KLHL28: variants seen among roughly 807,000 people sequenced by gnomAD.
KLHL28 encodes the protein kelch-like protein 28.
A neutral mutation model predicts 48.3 loss-of-function variants in KLHL28; 22 were observed. The ratio of observed to expected loss-of-function variants is 0.46; its 90% CI spans 0.33 to 0.65. The LOEUF (loss-of-function observed/expected upper bound fraction) is 0.65. Ranked by LOEUF, KLHL28 falls within the 30% of genes least tolerant of loss-of-function variation. KLHL28 has a pLI of 0.03. For missense variants in KLHL28, 527 were observed against 704.3 expected, an observed-to-expected ratio of 0.75 and a Z score of 2.85; for synonymous variants, 243 against 242.4, an observed-to-expected ratio of 1.00 and a Z score of -0.02.
intron 3 of KLHL28, among the ~76,000 whole-genome samples, chr14:44,932,094 C>T (rs1415317718): frequency 4.0e-5 from 6 of 151,152 alleles, no homozygotes; most frequent in Non-Finnish European, 8.8e-5. Context: ...AAGATCAGAG[C>T]TCACTGCAGC....
chr14:44,948,872 A>T (rs1884456731), intron 1 of KLHL28, among the ~76,000 whole-genome samples: 1 of 152,152 alleles, frequency 6.6e-6, no homozygotes, highest in South Asian at 2.1e-4. Flanking sequence ...GCATTTATTT[A>T]CTATATCCCT....
At chr14:44,946,057 T>G in intron 1 of KLHL28, 129 bp from the exon 2 acceptor site, 1 of 682,720 alleles carries the variant, frequency 1.5e-6, no homozygotes, top group Non-Finnish European at 2.4e-6. Flanking sequence ...AAATACTTCA[T>G]AGTAAATACT....
intron 4 of KLHL28, 142 bp downstream of exon 4, chr14:44,931,191 A>C (rs1883569866): frequency 1.8e-6 from 1 of 568,448 alleles, no homozygotes; most frequent in East Asian, 2.9e-5. Context: ...TTGTCTTTCA[A>C]GTTTACCACA....
chr14:44,938,606 G>A (rs757101350), intron 2 of KLHL28, among the ~76,000 whole-genome samples: 2 of 152,112 alleles, frequency 1.3e-5, no homozygotes, highest in Non-Finnish European at 2.9e-5. Context: ...TCCTGACCTC[G>A]CGATCTGCCC....
intron 1 of KLHL28, chr14:44,959,403 A>C (rs944219588): frequency 9.9e-5 from 15 of 152,132 alleles, no homozygotes; most frequent in Non-Finnish European, 1.5e-4. Context: ...TTGTTTGTTA[A>C]TATTAATAGC....
chr14:44,925,593 CT>C lies in KLHL28; in HGVS notation c.*3434del, dbSNP rs541149254. 1 of 152,092 alleles carries C rather than the reference CT, an allele frequency of 6.6e-6. No homozygotes were observed. Among genetic ancestry groups the C allele is most frequent in the Non-Finnish European group, 1.5e-5 (1 of 67,950 alleles). 9.4% of individuals were successfully genotyped at this position (152,092 alleles called of 1,614,324 possible). ...GGTCTCTCCCACTATATTTTACTCT[CT>C]TTGAGTGAAAAAGAGTATATCTCTC... On this transcript the variant is annotated 3_prime_UTR_variant, in exon 5 of 5. Coordinates refer to ENST00000396128, the MANE Select transcript of KLHL28 (RefSeq NM_017658.5).
chr14:44,941,640 A>G (rs1011028582), intron 2 of KLHL28, among the ~76,000 whole-genome samples: 11 of 149,850 alleles, frequency 7.3e-5, no homozygotes, highest in Non-Finnish European at 1.0e-4. Flanking sequence ...AAAAAAAAAA[A>G]AAAAAGAAAA....
intron 3 of KLHL28, 100 bp downstream of exon 3, chr14:44,934,015 G>T: frequency 1.1e-6 from 1 of 883,372 alleles, no homozygotes; most frequent in Non-Finnish European, 1.7e-6. Flanking sequence ...AATGCCGGAA[G>T]TTCATTCATA....
In KLHL28 at chr14:44,928,185, A is replaced by G. The variant is rs187317062; in HGVS notation, c.*843T>C. The G allele has an allele frequency of 1.1e-4, 17 of 152,578 alleles. No individual in the cohort carries two copies. The highest frequency in any genetic ancestry group is 4.1e-4 in the African/African-American group (17 of 41,576). 9.5% of individuals were successfully genotyped at this position (152,578 alleles called of 1,614,324 possible). ...AGGATATATAAAAAAATTAATATGC[A>G]CTAAGAATGGTACTAAACACTGCTC... On this transcript the variant is annotated 3_prime_UTR_variant, in exon 5 of 5. Coordinates refer to ENST00000396128, the MANE Select transcript of KLHL28 (RefSeq NM_017658.5).
At chr14:44,948,423 C>T (rs80139033) in intron 1 of KLHL28, among the ~76,000 whole-genome samples, 5,924 of 152,124 alleles carry the variant, frequency 0.039, 192 homozygotes, top group East Asian at 0.1. Flanking sequence ...GTTTTAGTCC[C>T]ATCTGAATCT....
At chr14:44,946,394 T>C (rs11848799) in intron 1 of KLHL28, among the ~76,000 whole-genome samples, 15,548 of 152,152 alleles carry the variant, frequency 0.1, 1,112 homozygotes, top group African/African-American at 0.2. Context: ...TTAACATACT[T>C]TACCCAAAAT....
intron 2 of KLHL28, among the ~76,000 whole-genome samples, chr14:44,943,461 C>T (rs1399376765): frequency 3.9e-5 from 6 of 152,078 alleles, no homozygotes; most frequent in African/African-American, 7.2e-5. Flanking sequence ...AGTTTGAGAT[C>T]GGCCTGACCA....
intron 2 of KLHL28, among the ~76,000 whole-genome samples, chr14:44,938,605 C>T (rs1212470199): frequency 6.6e-6 from 1 of 152,178 alleles, no homozygotes; most frequent in African/African-American, 2.4e-5. Flanking sequence ...CTCCTGACCT[C>T]GCGATCTGCC....
chr14:44,944,183 T>C (rs925468384), intron 2 of KLHL28, among the ~76,000 whole-genome samples: 4 of 152,122 alleles, frequency 2.6e-5, no homozygotes, highest in African/African-American at 9.7e-5. Flanking sequence ...AAAGCAAAAA[T>C]AACTTCAAGC....
chr14:44,933,800 C>G (rs1190701482), intron 3 of KLHL28, among the ~76,000 whole-genome samples: 1 of 152,178 alleles, frequency 6.6e-6, no homozygotes, highest in African/African-American at 2.4e-5. Context: ...AGATAATTTA[C>G]ATACTGTGCA....
chr14:44,939,551 C>T (rs1243025874), intron 2 of KLHL28, among the ~76,000 whole-genome samples: 1 of 152,164 alleles, frequency 6.6e-6, no homozygotes, highest in Non-Finnish European at 1.5e-5. Flanking sequence ...ACAAAGCAGC[C>T]TGAATGTTCA....
At chr14:44,942,069 G>A (rs1326686504) in intron 2 of KLHL28, among the ~76,000 whole-genome samples, 2 of 152,054 alleles carry the variant, frequency 1.3e-5, no homozygotes, top group Admixed American at 1.3e-4. Context: ...CTCATATCCA[G>A]CTACCATAGA....
At chr14:44,955,473 G>A (rs1884754846) in intron 1 of KLHL28, among the ~76,000 whole-genome samples, 1 of 152,024 alleles carries the variant, frequency 6.6e-6, no homozygotes, top group Admixed American at 6.6e-5. Context: ...CCATGTCTGG[G>A]GCAGAAGATG....
chr14:44,935,576 AC>A (rs1242038524), intron 2 of KLHL28, among the ~76,000 whole-genome samples: 2 of 152,042 alleles, frequency 1.3e-5, no homozygotes, highest in African/African-American at 4.8e-5. Context: ...CAGTGAAAAA[AC>A]ATCTGAATAA....
Sources: gnomAD v4.1 joint callset for allele counts (sites outside exome capture counted in the v4.1 genomes callset) on GRCh38, gnomAD v4.1.1 for gene constraint, MANE v1.5 for transcripts, NCBI Gene and HGNC (gene_info 2026-07-23, HGNC 2026-07-21) for gene names.